Variants in ACOX3 observed in about 807,000 individuals in gnomAD.
The protein encoded by ACOX3 is peroxisomal acyl-coenzyme A oxidase 3.
A neutral mutation model predicts 81.5 loss-of-function variants in ACOX3; 73 were observed. The observed-to-expected ratio is 0.90, with a 90% CI of 0.74 to 1.09. ACOX3 has a LOEUF of 1.09. ACOX3 is among the 50% of genes least tolerant of loss of function. The probability of loss-of-function intolerance (pLI) is 0.00; values close to 1 mark genes in which losing one functional copy is unlikely to be tolerated. For missense variants in ACOX3, 947 were observed against 928.0 expected, an observed-to-expected ratio of 1.02 and a Z score of -0.27; for synonymous variants, 387 against 375.1, an observed-to-expected ratio of 1.03 and a Z score of -0.37.
chr4:8,401,625 C>T (rs994612012), intron 7 of ACOX3, among the ~76,000 whole-genome samples: 2 of 152,326 alleles, frequency 1.3e-5, no homozygotes, highest in African/African-American at 4.8e-5. Flanking sequence ...CAAAGGCCTT[C>T]GGAATGGCGG....
intron 1 of ACOX3, among the ~76,000 whole-genome samples, chr4:8,435,305 A>T (rs1475161381): frequency 3.3e-5 from 5 of 152,188 alleles, no homozygotes; most frequent in Admixed American, 1.3e-4. Context: ...CCTGACTAAT[A>T]GGGTGAAACC....
Position 8,402,311 on chromosome 4 carries a change from G to T in ACOX3, c.777-2659C>A, listed in dbSNP as rs557500330. 3.9e-5 allele frequency among the ~76,000 whole-genome samples: 6 copies of T among 152,316 alleles called. No homozygotes were observed. The East Asian group carries it at 1.2e-3, about 29-fold the overall frequency. On this transcript the variant is annotated intron_variant, in intron 7 of 17. Transcript: ENST00000356406. Reference sequence around the variant, plus strand: ...ACCTGCAGGAAGTGAAGGGCAGCGGGGGGGCCAGCTCCTCCAAAGCCCTAG... The same window carrying T: ...ACCTGCAGGAAGTGAAGGGCAGCGGTGGGGCCAGCTCCTCCAAAGCCCTAG...
At chr4:8,429,847 C>T (rs946153541) in intron 1 of ACOX3, among the ~76,000 whole-genome samples, 2 of 151,748 alleles carry the variant, frequency 1.3e-5, no homozygotes, top group African/African-American at 2.4e-5. Context: ...GAGGCTGAGG[C>T]GGGAGAATCA....
At position 8,392,414 on chromosome 4, in the gene ACOX3, T is replaced by C. The variant is rs758147751; in HGVS notation, c.1219A>G (p.Ser407Gly). 30 of 1,609,210 alleles carry C rather than the reference T, an allele frequency of 1.9e-5. No individual in the cohort carries two copies. The highest frequency in any genetic ancestry group is 2.5e-5 in the Non-Finnish European group (30 of 1,178,366). ...GREIHALASA[S>G]KPLASWTTQQ... ...GTGGTCCACGAGGCCAGGGGCTTGCTGGCCGATGCCAGGGCGTGGATCTCA... is the reference window on the plus strand; with the variant it reads ...GTGGTCCACGAGGCCAGGGGCTTGCCGGCCGATGCCAGGGCGTGGATCTCA... Residue 407 changes from serine to glycine, a missense_variant, in exon 11 of 18, where the codon AGC becomes GGC. Ser to Gly is a moderately conservative substitution (Grantham distance 56). Transcript: ENST00000356406.
At chr4:8,363,599 A>G (rs894709839), downstream of ACOX3, among the ~76,000 whole-genome samples, 6 of 152,220 alleles carry the variant, frequency 3.9e-5, no homozygotes, top group South Asian at 1.2e-3. Context: ...CATGTGAACC[A>G]GAGCAACTCC....
chr4:8,357,278 C>T, the ACOX3 span: 8 of 456,582 alleles, frequency 1.8e-5, no homozygotes, highest in Admixed American at 7.0e-5. Flanking sequence ...CGGGGGCCCT[C>T]GAGGGGAATG....
intron 16 of ACOX3, 92 bp downstream of exon 16, chr4:8,373,469 C>A (rs1000945897): frequency 2.8e-5 from 37 of 1,337,628 alleles, no homozygotes; most frequent in Non-Finnish European, 3.8e-5. Context: ...TAAGGCGGTG[C>A]GTGTCGGTCT....
chr4:8,430,827 G>A lies in ACOX3; in HGVS notation c.-15+9821C>T, dbSNP rs1723912433. Among the ~76,000 whole-genome samples the A allele has an allele frequency of 1.3e-5, 2 of 152,170 alleles. No homozygotes were observed. On this transcript the variant is annotated intron_variant, in intron 1 of 17. Transcript: ENST00000356406. This position sits in a 1 kb window ranked among gnomAD's most constrained non-coding sequence, Gnocchi z 5.2. ...GCCAAGGTAGCACCATTGCACTCCA[G>A]CCTGGGTGACAAGAGTGAAACTCCA...
At chr4:8,379,298 A>C (rs1717349464) in intron 14 of ACOX3, among the ~76,000 whole-genome samples, 1 of 152,192 alleles carries the variant, frequency 6.6e-6, no homozygotes, top group African/African-American at 2.4e-5. Flanking sequence ...CTTAGCATTC[A>C]GCCCAGGGCC....
At position 8,416,561 on chromosome 4, in the gene ACOX3, C is replaced by T; in HGVS notation, c.-14-26G>A. ...CTGCACAAAACATGCAACCTGAATC[C>T]ATGCTCTCCCATCTATGGGTTCAAA... is the stretch of plus-strand genomic sequence containing the variant. On this transcript the variant is annotated intron_variant, in intron 1 of 17. Transcript: ENST00000356406. The surrounding 1 kb of genome is among the most constrained non-coding windows in gnomAD (Gnocchi z 4.2). 1 of 1,545,640 alleles carries T rather than the reference C, an allele frequency of 6.5e-7. No individual in the cohort carries two copies. Among genetic ancestry groups the T allele is most frequent in the Non-Finnish European group, 8.7e-7 (1 of 1,145,852 alleles).
At position 8,432,035 on chromosome 4, in the gene ACOX3, G is replaced by A. The variant is rs189160904; in HGVS notation, c.-15+8613C>T. Among the ~76,000 whole-genome samples, 122 of 152,182 alleles carry A rather than the reference G, an allele frequency of 8.0e-4. No individual in the cohort carries two copies. The highest frequency in any genetic ancestry group is 3.2e-4 in the Non-Finnish European group (22 of 68,016). On this transcript the variant is annotated intron_variant, in intron 1 of 17. Coordinates refer to ENST00000356406, the MANE Select transcript of ACOX3 (RefSeq NM_003501.3). This position sits in a 1 kb window ranked among gnomAD's most constrained non-coding sequence, Gnocchi z 6.2. ...GGAAGGGAATGGGTTCTGATGATTCGGCACCAAGAATGATCCATCACAGCT... is the reference window on the plus strand; with the variant it reads ...GGAAGGGAATGGGTTCTGATGATTCAGCACCAAGAATGATCCATCACAGCT...
At position 8,415,828 on chromosome 4, in the gene ACOX3, A is replaced by C; in HGVS notation, c.316T>G (p.Leu106Val). 1 of 1,614,150 alleles carries C rather than the reference A, an allele frequency of 6.2e-7. No individual in the cohort carries two copies. The highest frequency in any genetic ancestry group is 2.2e-5 in the East Asian group (1 of 44,876). Residue 106 changes from leucine (L) to valine (V), a missense_variant, in exon 3 of 18, where the codon TTG becomes GTG. By Grantham distance (32) the Leu-to-Val change is conservative (BLOSUM62 1). Transcript: ENST00000356406. ...MFKSPLKVPALIQCLGMYDSS... is the reference protein window; with the variant it reads ...MFKSPLKVPAVIQCLGMYDSS... ...TCATACATGCCCAGGCACTGAATCA[A>C]GGCGGGGACCTTCAGAGGGCTCTTG...
chr4:8,382,971 A>C lies in ACOX3; in HGVS notation c.1538-1364T>G, dbSNP rs1403544462. Among the ~76,000 whole-genome samples the C allele has an allele frequency of 6.8e-6, 1 of 146,054 alleles. No individual in the cohort carries two copies. Among genetic ancestry groups the C allele is most frequent in the Admixed American group, 6.9e-5 (1 of 14,400 alleles). ...GCGCCACTGCACTCCAGCCTGGGCG[A>C]CAGAGCGAGACTCCGTCTCAAAAAA... On this transcript the variant is annotated intron_variant, in intron 13 of 17. Coordinates refer to ENST00000356406, the MANE Select transcript of ACOX3 (RefSeq NM_003501.3). The surrounding 1 kb of genome is among the most constrained non-coding windows in gnomAD (Gnocchi z 4.1).
At chr4:8,356,302 T>C in the ACOX3 span, 1 of 355,094 alleles carries the variant, frequency 2.8e-6, no homozygotes, top group Non-Finnish European at 5.5e-6. Flanking sequence ...TGGCTCTACC[T>C]GCCCCACTGC....
At position 8,384,165 on chromosome 4, in the gene ACOX3, CTG is replaced by C. The variant is rs148715000; in HGVS notation, c.1538-2560_1538-2559del. Among the ~76,000 whole-genome samples the C allele has an allele frequency of 6.6e-6, 1 of 152,328 alleles. No homozygotes were observed. Among genetic ancestry groups the C allele is most frequent in the East Asian group, 1.9e-4 (1 of 5,178 alleles). ...GGCTTCACGTCGATGGCCAGTTAGA[CTG>C]TGCTGTGGGCTTCAAGTGAGAGGGA... On this transcript the variant is annotated intron_variant, in intron 13 of 17. Coordinates refer to ENST00000356406, the MANE Select transcript of ACOX3 (RefSeq NM_003501.3). This position sits in a 1 kb window ranked among gnomAD's most constrained non-coding sequence, Gnocchi z 5.3.
In ACOX3 at chr4:8,436,023, T is replaced by G. The variant is rs1284447165; in HGVS notation, c.-15+4625A>C. 3 of 152,132 alleles carry G rather than the reference T, an allele frequency of 2.0e-5. No homozygotes were observed. In the South Asian group the frequency reaches 6.3e-4, roughly 32 times the overall value. 9.4% of individuals were successfully genotyped at this position (152,132 alleles called of 1,614,324 possible). A position where few individuals can be genotyped will look rare whatever the true frequency, so the allele number is the denominator to read the frequency against. ...GTCTTGCTGGAGCTATGCAAATGCC[T>G]CTCAGGGAGACACGAGGACCTGTCT... On this transcript the variant is annotated intron_variant, in intron 1 of 17. Coordinates refer to ENST00000356406, the MANE Select transcript of ACOX3 (RefSeq NM_003501.3).
At position 8,390,556 on chromosome 4, in the gene ACOX3, A is replaced by G. The variant is rs61303542; in HGVS notation, c.1301-822T>C. Among the ~76,000 whole-genome samples, 592 of 152,358 alleles carry G rather than the reference A, an allele frequency of 3.9e-3. 3 individuals are homozygous for G. The highest frequency in any genetic ancestry group is 0.013 in the African/African-American group (561 of 41,580). ...ACTGAATGAACTCTTCTTTTAACAC[A>G]GGAAATTTCAAGATAACTGTTTTTT... On this transcript the variant is annotated intron_variant, in intron 11 of 17. Coordinates refer to ENST00000356406, the MANE Select transcript of ACOX3 (RefSeq NM_003501.3).
In ACOX3 at chr4:8,400,005, G is replaced by C. The variant is rs1054107664; in HGVS notation, c.777-353C>G. Among the ~76,000 whole-genome samples the C allele has an allele frequency of 2.6e-5, 4 of 152,152 alleles. No homozygotes were observed. Among genetic ancestry groups the C allele is most frequent in the African/African-American group, 7.2e-5 (3 of 41,426 alleles). On this transcript the variant is annotated intron_variant, in intron 7 of 17. Coordinates refer to ENST00000356406, the MANE Select transcript of ACOX3 (RefSeq NM_003501.3). This position sits in a 1 kb window ranked among gnomAD's most constrained non-coding sequence, Gnocchi z 4.4. ...CTTACGCCTGTAATCCCAGCACTTT[G>C]GGAGGCCGAGGTGGGTGGATCACCT... is the stretch of plus-strand genomic sequence containing the variant.
In ACOX3 at chr4:8,437,299, T is replaced by C. The variant is rs62286058; in HGVS notation, c.-15+3349A>G. The stretch of plus-strand genomic sequence containing the variant: ...AACAGGAAAGAGCAAAAGCAACAAG[T>C]GCGGCAGCTAGGCACGCCAAGGGTT... On this transcript the variant is annotated intron_variant, in intron 1 of 17. Transcript: ENST00000356406. The surrounding 1 kb of genome is among the most constrained non-coding windows in gnomAD (Gnocchi z 5.2). Among the ~76,000 whole-genome samples, 4,157 of 151,800 alleles carry C rather than the reference T, an allele frequency of 0.027. 71 individuals are homozygous for C. Among genetic ancestry groups the C allele is most frequent in the South Asian group, 0.04 (194 of 4,810 alleles).
Sources: gnomAD v4.1 joint callset for allele counts (sites outside exome capture counted in the v4.1 genomes callset) on GRCh38, gnomAD v4.1.1 for gene constraint, Gnocchi (gnomAD v3.1) non-coding constraint, MANE v1.5 for transcripts, NCBI Gene and HGNC (gene_info 2026-07-23, HGNC 2026-07-21) for gene names.